The following DMXL2 variants were observed in gnomAD, a reference collection of about 807,000 sequenced individuals.
DMXL2 encodes the protein dmX-like protein 2.
In DMXL2, 103 loss-of-function variants were observed where a neutral mutation model predicts 331.1. The ratio of observed to expected loss-of-function variants is 0.31; its 90% CI spans 0.27 to 0.37. The LOEUF (loss-of-function observed/expected upper bound fraction) is 0.37. DMXL2 is among the 10% of genes least tolerant of loss of function. The probability of loss-of-function intolerance (pLI) is 1.00; values close to 1 mark genes in which losing one functional copy is unlikely to be tolerated. For synonymous variants in DMXL2, 1,281 were observed against 1,252.1 expected, an observed-to-expected ratio of 1.02 and a Z score of -0.49; for missense variants, 3,171 against 3,642.9, an observed-to-expected ratio of 0.87 and a Z score of 3.33.
chr15:51,571,849 T>C (rs1480605239), intron 2 of DMXL2, among the ~76,000 whole-genome samples: 1 of 151,948 alleles, frequency 6.6e-6, no homozygotes, highest in African/African-American at 2.4e-5. Flanking sequence ...GATCTAAAAT[T>C]GACACCCTAA....
At chr15:51,470,898 C>A (rs1165060207) in intron 29 of DMXL2, among the ~76,000 whole-genome samples, 2 of 152,028 alleles carry the variant, frequency 1.3e-5, no homozygotes, top group Non-Finnish European at 2.9e-5. Context: ...ACCAAGGGAG[C>A]CACTGATAAT....
intron 43 of DMXL2, 62 bp downstream of exon 43, chr15:51,450,067 G>GTT: frequency 6.9e-7 from 1 of 1,441,560 alleles, no homozygotes; most frequent in Non-Finnish European, 9.6e-7. Context: ...AGAATGTGGA[G>GTT]TTTTTGTTTT....
chr15:51,597,280 A>G (rs1186458917), intron 1 of DMXL2, among the ~76,000 whole-genome samples: 1 of 152,070 alleles, frequency 6.6e-6, no homozygotes, highest in Non-Finnish European at 1.5e-5. Context: ...TCCAAATTAC[A>G]CTTCTCCGTC....
At chr15:51,544,047 A>C (rs2048753326) in intron 8 of DMXL2, among the ~76,000 whole-genome samples, 1 of 152,238 alleles carries the variant, frequency 6.6e-6, no homozygotes. Flanking sequence ...ATAAAAGATA[A>C]CTTTAACTGT....
At chr15:51,567,041 A>ATTTT (rs2050332562) in intron 3 of DMXL2, 1 of 84,184 alleles carries the variant, frequency 1.2e-5, no homozygotes, top group African/African-American at 4.0e-5. Flanking sequence ...TGTTCCAGAT[A>ATTTT]CTTTTTTTTT....
chr15:51,461,783 C>G (rs2040148026), intron 33 of DMXL2, among the ~76,000 whole-genome samples: 1 of 152,176 alleles, frequency 6.6e-6, no homozygotes, highest in African/African-American at 2.4e-5. Context: ...AACCCCTGAG[C>G]TCAGGAGATC....
chr15:51,588,882 G>C (rs2052067691), intron 1 of DMXL2, among the ~76,000 whole-genome samples: 1 of 152,112 alleles, frequency 6.6e-6, no homozygotes, highest in South Asian at 2.1e-4. Flanking sequence ...TAGATCATTT[G>C]AGACCCCTTT....
chr15:51,525,911 G>C (rs2047644770), intron 13 of DMXL2, among the ~76,000 whole-genome samples: 1 of 152,058 alleles, frequency 6.6e-6, no homozygotes, highest in Non-Finnish European at 1.5e-5. Context: ...GGCTGACTTT[G>C]CTACCTGCAG....
intron 13 of DMXL2, among the ~76,000 whole-genome samples, chr15:51,518,388 C>G (rs1285612209): frequency 6.6e-6 from 1 of 152,114 alleles, no homozygotes; most frequent in Admixed American, 6.5e-5. Context: ...TCATTGAAAT[C>G]TGGACTCAAC....
intron 34 of DMXL2, chr15:51,459,023 T>A: frequency 2.0e-6 from 1 of 500,034 alleles, no homozygotes; most frequent in Non-Finnish European, 3.6e-6. Context: ...ACTGTGATGG[T>A]AAGATACTGA....
At chr15:51,482,054 C>T (rs2042054791) in intron 23 of DMXL2, among the ~76,000 whole-genome samples, 1 of 152,146 alleles carries the variant, frequency 6.6e-6, no homozygotes, top group African/African-American at 2.4e-5. Context: ...TCTGAAAATA[C>T]ACTGGTTTTA....
At chr15:51,503,729 C>T (rs868241624) in intron 16 of DMXL2, among the ~76,000 whole-genome samples, 1 of 151,994 alleles carries the variant, frequency 6.6e-6, no homozygotes, top group Middle Eastern at 3.4e-3. Flanking sequence ...GTTCCCAATC[C>T]GAAGAAACAA....
chr15:51,557,867 A>T (rs1042732903), intron 6 of DMXL2, among the ~76,000 whole-genome samples: 1 of 152,266 alleles, frequency 6.6e-6, no homozygotes, highest in Non-Finnish European at 1.5e-5. Flanking sequence ...TCTAAACATT[A>T]TTTCACATAG....
intron 17 of DMXL2, among the ~76,000 whole-genome samples, chr15:51,500,891 G>A (rs1222398365): frequency 2.0e-5 from 3 of 152,204 alleles, no homozygotes; most frequent in Non-Finnish European, 2.9e-5. Flanking sequence ...TCTGAGGTCA[G>A]AAGATCTGGA....
intron 1 of DMXL2, among the ~76,000 whole-genome samples, chr15:51,589,009 C>T (rs147219338): frequency 1.3e-5 from 2 of 152,268 alleles, no homozygotes; most frequent in African/African-American, 2.4e-5. Flanking sequence ...ACAGTATGTT[C>T]TTTACTTTGT....
At position 51,495,114 on chromosome 15, in the gene DMXL2, A is replaced by G; in HGVS notation, c.4693T>C (p.Cys1565Arg). 1 of 1,612,234 alleles carries G rather than the reference A, an allele frequency of 6.2e-7. No homozygotes were observed. Among genetic ancestry groups the G allele is most frequent in the Non-Finnish European group, 8.5e-7 (1 of 1,178,574 alleles). Residue 1565 changes from cysteine to arginine, a missense_variant, in exon 19 of 44, where the codon TGT becomes CGT. This residue lies in a region of DMXL2 where 252 missense variants were observed against 387.4 expected (regional missense o/e 0.65). Coordinates refer to ENST00000560891, the MANE Select transcript of DMXL2 (RefSeq NM_001378457.1). ...ATAGCTAACAAGTATCTCAAACCAC[A>G]CTCATCTAATGTATCTCTTCCTGTA... Reference protein sequence around the residue: ...SCSGRDTLDECGLRYLLAMRL... With the variant: ...SCSGRDTLDERGLRYLLAMRL...
At chr15:51,538,857 A>C (rs764836252) in intron 9 of DMXL2, among the ~76,000 whole-genome samples, 2 of 152,180 alleles carry the variant, frequency 1.3e-5, no homozygotes, top group Non-Finnish European at 2.9e-5. Flanking sequence ...ATTTTAGGAG[A>C]TACTTGCTAA....
intron 9 of DMXL2, among the ~76,000 whole-genome samples, chr15:51,539,517 A>G (rs1423422341): frequency 6.6e-6 from 1 of 152,114 alleles, no homozygotes; most frequent in African/African-American, 2.4e-5. Context: ...CATGTAAGAG[A>G]GTATAAATTG....
chr15:51,450,086 C>CCAAT, intron 43 of DMXL2, 43 bp downstream of exon 43: 1 of 1,549,578 alleles, frequency 6.5e-7, no homozygotes, highest in Non-Finnish European at 8.8e-7. Context: ...TTTTCTCTTT[C>CCAAT]CAATCAGTCT....
Sources: allele counts gnomAD v4.1 joint callset (sites outside exome capture counted in the v4.1 genomes callset), GRCh38; gene constraint gnomAD v4.1.1; regional missense constraint gnomAD v4.1.1; transcripts MANE v1.5; gene names NCBI Gene and HGNC (gene_info 2026-07-23, HGNC 2026-07-21).